The following BMPER variants were observed in gnomAD, a reference collection of about 807,000 sequenced individuals.
BMPER encodes BMP binding endothelial regulator, also known as BMP-binding endothelial regulator protein.
In BMPER, 45 loss-of-function variants were observed where a neutral mutation model predicts 87.3. That is an observed-to-expected ratio of 0.52 (90% CI 0.41 to 0.66). The LOEUF (loss-of-function observed/expected upper bound fraction) is 0.66. Among genes scored for constraint, BMPER ranks in the 30% least tolerant of loss-of-function variants. BMPER has a pLI of 0.00. For missense variants in BMPER, 784 were observed against 867.5 expected, an observed-to-expected ratio of 0.90 and a Z score of 1.21; for synonymous variants, 326 against 316.2, an observed-to-expected ratio of 1.03 and a Z score of -0.33.
intron 13 of BMPER, among the ~76,000 whole-genome samples, chr7:34,113,582 G>C (rs1562752347): frequency 6.6e-6 from 1 of 150,720 alleles, no homozygotes; most frequent in Non-Finnish European, 1.5e-5. Flanking sequence ...TGTCCATGCA[G>C]TTTTACAAAT....
At chr7:34,083,464 ATT>A (rs373920329) in intron 12 of BMPER, among the ~76,000 whole-genome samples, 3,991 of 152,082 alleles carry the variant, frequency 0.026, 184 homozygotes, top group African/African-American at 0.091. Flanking sequence ...AATCTCTAAA[ATT>A]TTTTTTGGTC....
intron 6 of BMPER, among the ~76,000 whole-genome samples, chr7:34,027,103 T>G (rs1365264040): frequency 2.0e-5 from 3 of 151,774 alleles, no homozygotes; most frequent in East Asian, 1.9e-4. Flanking sequence ...GTTATGAGAA[T>G]TACTGCATGA....
intron 3 of BMPER, among the ~76,000 whole-genome samples, chr7:33,952,316 AT>A (rs1285171390): frequency 8.5e-5 from 13 of 152,224 alleles, no homozygotes; most frequent in African/African-American, 3.1e-4. Flanking sequence ...CTTTAAGATG[AT>A]TTTTCCCCCT....
intron 2 of BMPER, among the ~76,000 whole-genome samples, chr7:33,923,183 G>C (rs187372346): frequency 1.3e-5 from 2 of 152,234 alleles, no homozygotes; most frequent in East Asian, 3.9e-4. Context: ...CATTATAAGA[G>C]GCCTCTGACT....
At chr7:33,918,736 G>A (rs1784144209) in intron 2 of BMPER, among the ~76,000 whole-genome samples, 1 of 152,168 alleles carries the variant, frequency 6.6e-6, no homozygotes, top group Non-Finnish European at 1.5e-5. Flanking sequence ...CTTGAGTTGT[G>A]GTAATTTCCT....
chr7:34,117,902 A>G (rs1306993913), intron 13 of BMPER, among the ~76,000 whole-genome samples: 1 of 152,250 alleles, frequency 6.6e-6, no homozygotes. Context: ...TAAAGATTTA[A>G]GCATAAACCT....
intron 12 of BMPER, among the ~76,000 whole-genome samples, chr7:34,085,344 C>G (rs915709735): frequency 6.6e-6 from 1 of 152,042 alleles, no homozygotes; most frequent in Admixed American, 6.5e-5. Context: ...TAAATAATTG[C>G]ATTAAAAAAC....
chr7:33,941,076 T>C (rs1172215005), intron 3 of BMPER, among the ~76,000 whole-genome samples: 1 of 136,580 alleles, frequency 7.3e-6, no homozygotes, highest in African/African-American at 2.7e-5. Flanking sequence ...ATATAATTTA[T>C]ATATTTATAT....
Position 34,058,080 on chromosome 7 carries a change from A to G in BMPER, c.949A>G (p.Ile317Val), listed in dbSNP as rs1562715746. The change falls in exon 10 of 15, where the codon ATC (isoleucine) becomes GTC (valine). Residue 317 changes from isoleucine to valine, a missense_variant. Physicochemically the swap from Ile to Val is conservative, Grantham distance 29. Transcript: ENST00000649409. ...IFQDGEMWSS[I>V]NCTICACVKG... ...GTAGGATGGAGAGATGTGGTCCTCT[A>G]TCAATTGTACCATCTGTGCTTGTGT... is the stretch of plus-strand genomic sequence containing the variant. 3 of 1,613,944 alleles carry G rather than the reference A, an allele frequency of 1.9e-6. No individual in the cohort carries two copies. The highest frequency in any genetic ancestry group is 1.7e-5 in the Admixed American group (1 of 60,002).
At chr7:34,052,039 C>G in intron 8 of BMPER, 69 bp downstream of exon 8, 1 of 1,337,930 alleles carries the variant, frequency 7.5e-7, no homozygotes, top group Non-Finnish European at 1.1e-6. Context: ...ACATCACAGC[C>G]ATAGCCAAAG....
chr7:33,939,693 TCTC>T (rs750270473), intron 3 of BMPER, among the ~76,000 whole-genome samples: 78 of 152,272 alleles, frequency 5.1e-4, no homozygotes, highest in Non-Finnish European at 9.3e-4. Context: ...GCTTGGCACT[TCTC>T]CTCCCTGCCA....
intron 13 of BMPER, among the ~76,000 whole-genome samples, chr7:34,101,416 C>T (rs1789679319): frequency 6.6e-6 from 1 of 152,206 alleles, no homozygotes; most frequent in Non-Finnish European, 1.5e-5. Context: ...TGGCATCCTT[C>T]TTCATTAGTT....
At chr7:33,921,217 A>G (rs1346143125) in intron 2 of BMPER, among the ~76,000 whole-genome samples, 4 of 152,230 alleles carry the variant, frequency 2.6e-5, no homozygotes, top group Non-Finnish European at 5.9e-5. Context: ...CAAAATATCT[A>G]GAACAGCGCC....
At position 34,146,424 on chromosome 7, in the gene BMPER, T is replaced by C. The variant is rs773635550; in HGVS notation, c.1876+3064T>C. Among the ~76,000 whole-genome samples the C allele has an allele frequency of 6.1e-3, 934 of 152,284 alleles. 6 individuals are homozygous for C. The highest frequency in any genetic ancestry group is 8.8e-3 in the Non-Finnish European group (599 of 68,020). ...GCCCGCCACCTATGGCACAAAGGAC[T>C]AATGGAACCCTAATTTAGCATGGGA... On this transcript the variant is annotated intron_variant, in intron 14 of 14. Coordinates refer to ENST00000649409, the MANE Select transcript of BMPER (RefSeq NM_001365308.1).
intron 6 of BMPER, among the ~76,000 whole-genome samples, chr7:34,034,196 C>A (rs976584378): frequency 2.6e-5 from 4 of 152,146 alleles, no homozygotes; most frequent in Non-Finnish European, 5.9e-5. Flanking sequence ...TAATATTATT[C>A]CAGGAGAACT....
intron 6 of BMPER, among the ~76,000 whole-genome samples, chr7:33,999,428 T>C (rs1786517685): frequency 6.6e-6 from 1 of 152,276 alleles, no homozygotes; most frequent in South Asian, 2.1e-4. Context: ...TTGTAAACTT[T>C]ATTTTTATTA....
chr7:33,951,974 A>G, intron 3 of BMPER, among the ~76,000 whole-genome samples: 1 of 152,222 alleles, frequency 6.6e-6, no homozygotes, highest in Non-Finnish European at 1.5e-5. Flanking sequence ...TGAATTCCAT[A>G]GAGGTTAAAA....
At chr7:34,054,820 AG>A (rs1788239532) in intron 8 of BMPER, among the ~76,000 whole-genome samples, 1 of 152,134 alleles carries the variant, frequency 6.6e-6, no homozygotes, top group African/African-American at 2.4e-5. Flanking sequence ...GGTTGCAAAG[AG>A]GTAGAGGGCA....
At chr7:34,053,691 A>T (rs998357280) in intron 8 of BMPER, among the ~76,000 whole-genome samples, 1 of 152,246 alleles carries the variant, frequency 6.6e-6, no homozygotes, top group Non-Finnish European at 1.5e-5. Flanking sequence ...GATTATCATA[A>T]AGCTCTTCAT....
Sources: allele counts gnomAD v4.1 joint callset (sites outside exome capture counted in the v4.1 genomes callset), GRCh38; gene constraint gnomAD v4.1.1; transcripts MANE v1.5; gene names NCBI Gene and HGNC (gene_info 2026-07-23, HGNC 2026-07-21).